Variants in STYX observed in about 807,000 individuals in gnomAD.
The protein encoded by STYX is serine/threonine/tyrosine-interacting protein.
STYX carries 20 observed loss-of-function variants against 42.7 expected under a neutral mutation model. The ratio of observed to expected loss-of-function variants is 0.47; its 90% confidence interval spans 0.33 to 0.68. The LOEUF is 0.68. STYX is among the 30% of genes least tolerant of loss of function. The probability of loss-of-function intolerance (pLI) is 0.02; values close to 1 mark genes in which losing one functional copy is unlikely to be tolerated. For synonymous variants in STYX, 78 were observed against 81.9 expected (o/e 0.95, Z 0.26); for missense variants, 226 against 268.5 (o/e 0.84, Z 1.11).
chr14:52,737,519 A>G (rs918515810), intron 1 of STYX, among the ~76,000 whole-genome samples: 8 of 152,190 alleles, frequency 5.3e-5, no homozygotes, highest in African/African-American at 1.7e-4. Flanking sequence ...CTGCTTGGCT[A>G]CTCATAAAGT....
intron 4 of STYX, among the ~76,000 whole-genome samples, chr14:52,752,571 A>G (rs891515440): frequency 5.9e-5 from 9 of 152,240 alleles, no homozygotes; most frequent in African/African-American, 1.7e-4. Context: ...GTGTGAACAT[A>G]TAATAGAATA....
intron 1 of STYX, among the ~76,000 whole-genome samples, chr14:52,738,041 G>T (rs1410493894): frequency 3.3e-5 from 5 of 152,194 alleles, no homozygotes; most frequent in Admixed American, 3.3e-4. Flanking sequence ...CTCCCAAAGT[G>T]CTGGGATTAC....
In STYX at chr14:52,771,802, C is replaced by T. The variant is rs1396537841; in HGVS notation, c.*696C>T. 6.6e-6 allele frequency: 1 copy of T among 152,360 alleles called. No homozygotes were observed. Among genetic ancestry groups the T allele is most frequent in the Non-Finnish European group, 1.5e-5 (1 of 67,910 alleles). 9.4% of individuals were successfully genotyped at this position (152,360 alleles called of 1,614,324 possible). A position where few individuals can be genotyped will look rare whatever the true frequency, so the allele number is the denominator to read the frequency against. ...TCCTAATTTTTCTATATTTTAAAAACTACAGTTTCCATGATAAAAGGAAAA... is the reference window on the plus strand; with the variant it reads ...TCCTAATTTTTCTATATTTTAAAAATTACAGTTTCCATGATAAAAGGAAAA... On this transcript the variant is annotated 3_prime_UTR_variant, in exon 11 of 11. Coordinates refer to ENST00000354586, the MANE Select transcript of STYX (RefSeq NM_145251.4).
At chr14:52,751,090 G>A (rs745562686) in intron 4 of STYX, among the ~76,000 whole-genome samples, 72 of 152,214 alleles carry the variant, frequency 4.7e-4, no homozygotes, top group Non-Finnish European at 8.8e-4. Flanking sequence ...AAGGAATTGA[G>A]TATCTAGGGG....
At chr14:52,748,302 C>T (rs1881472494) in intron 3 of STYX, among the ~76,000 whole-genome samples, 1 of 152,092 alleles carries the variant, frequency 6.6e-6, no homozygotes, top group African/African-American at 2.4e-5. Context: ...TCTCATAGCT[C>T]ACTGTAACCT....
At chr14:52,750,565 T>G in intron 3 of STYX, 118 bp from the exon 4 acceptor site, 1 of 662,892 alleles carries the variant, frequency 1.5e-6, no homozygotes, top group Non-Finnish European at 2.5e-6. Flanking sequence ...TTCCCTGGAC[T>G]TAAGCAGAGA....
chr14:52,761,566 GT>G (rs539782412), intron 9 of STYX, among the ~76,000 whole-genome samples: 2,930 of 100,774 alleles, frequency 0.029, 23 homozygotes, highest in Non-Finnish European at 0.044. Flanking sequence ...GTAGCCAAAA[GT>G]TTTTTTTTTT....
At chr14:52,734,116 C>T (rs1382944324) in intron 1 of STYX, among the ~76,000 whole-genome samples, 1 of 152,192 alleles carries the variant, frequency 6.6e-6, no homozygotes, top group Non-Finnish European at 1.5e-5. Flanking sequence ...AACGAAGATT[C>T]CACCCGCAGT....
chr14:52,771,483 TTA>T lies in STYX; in HGVS notation c.*380_*381del, dbSNP rs1374847082. The T allele has an allele frequency of 3.8e-5, 6 of 157,484 alleles. No individual in the cohort carries two copies. The highest frequency in any genetic ancestry group is 1.4e-4 in the African/African-American group (6 of 41,714). 9.8% of individuals were successfully genotyped at this position (157,484 alleles called of 1,614,324 possible). A position where few individuals can be genotyped will look rare whatever the true frequency, so the allele number is the denominator to read the frequency against. The stretch of plus-strand genomic sequence containing the variant: ...CAAAATGCAAGTATGGGGGGATTGT[TTA>T]TAAAGTTTGGGTAATTTATAACAAA... On this transcript the variant is annotated 3_prime_UTR_variant, in exon 11 of 11. Transcript: ENST00000354586.
intron 1 of STYX, among the ~76,000 whole-genome samples, chr14:52,742,927 C>T (rs1881251405): frequency 6.6e-6 from 1 of 151,716 alleles, no homozygotes; most frequent in African/African-American, 2.4e-5. Flanking sequence ...TCCCAAGTAG[C>T]TGGGATTACA....
chr14:52,766,531 C>G (rs1313503195), intron 9 of STYX, among the ~76,000 whole-genome samples: 1 of 152,108 alleles, frequency 6.6e-6, no homozygotes, highest in Non-Finnish European at 1.5e-5. Flanking sequence ...TGGTCTCAAA[C>G]TCCTGGGCTC....
intron 4 of STYX, among the ~76,000 whole-genome samples, chr14:52,752,886 T>TG (rs1566675183): frequency 2.1e-5 from 3 of 143,858 alleles, no homozygotes; most frequent in African/African-American, 7.7e-5. Context: ...GTTGTTGTTT[T>TG]TTTTTTTTTT....
At chr14:52,750,995 G>C (rs1354334227) in intron 4 of STYX, among the ~76,000 whole-genome samples, 2 of 151,634 alleles carry the variant, frequency 1.3e-5, no homozygotes, top group Non-Finnish European at 2.9e-5. Context: ...GAAGTTTCTG[G>C]GAAAGTAAAA....
At chr14:52,761,158 A>G (rs1328195652) in intron 9 of STYX, among the ~76,000 whole-genome samples, 1 of 151,928 alleles carries the variant, frequency 6.6e-6, no homozygotes, top group African/African-American at 2.4e-5. Flanking sequence ...GGGAAACCCC[A>G]TCTCTACTAA....
chr14:52,748,450 A>C (rs1566673251), intron 3 of STYX, among the ~76,000 whole-genome samples: 1 of 152,320 alleles, frequency 6.6e-6, no homozygotes, highest in East Asian at 1.9e-4. Context: ...CATTTACTTA[A>C]GTATATCTTT....
rs559869806 is a variant in STYX at position 52,769,209 on chromosome 14, C to T, written c.598+276C>T. Among the ~76,000 whole-genome samples the T allele has an allele frequency of 4.6e-5, 7 of 152,096 alleles. No homozygotes were observed. In the South Asian group the frequency reaches 8.3e-4, roughly 18 times the overall value. On this transcript the variant is annotated intron_variant, in intron 10 of 10. Coordinates refer to ENST00000354586, the MANE Select transcript of STYX (RefSeq NM_145251.4). ...AGGTGATCTTATTAAAAGTAGAGGG[C>T]GGTTAATACAGCGTGTAGCATGGCT...
At chr14:52,744,801 G>A in intron 1 of STYX, 51 bp from the exon 2 acceptor site, 12 of 1,562,716 alleles carry the variant, frequency 7.7e-6, no homozygotes, top group Non-Finnish European at 1.1e-5. Context: ...GCCTTTAATT[G>A]GGTGACTTTT....
intron 9 of STYX, among the ~76,000 whole-genome samples, chr14:52,761,157 C>T (rs1225134359): frequency 6.6e-6 from 1 of 151,792 alleles, no homozygotes; most frequent in African/African-American, 2.4e-5. Context: ...GGGGAAACCC[C>T]ATCTCTACTA....
chr14:52,773,165 T>C lies in STYX; in HGVS notation c.*2059T>C, dbSNP rs1222186932. ...GTAGTCTGGCCAAAAGAACAGATTT[T>C]GTTATTGATAATTTGTAGCTGGTAA... On this transcript the variant is annotated 3_prime_UTR_variant, in exon 11 of 11. Coordinates refer to ENST00000354586, the MANE Select transcript of STYX (RefSeq NM_145251.4). 2 of 152,122 alleles carry C rather than the reference T, an allele frequency of 1.3e-5. No individual in the cohort carries two copies. Among genetic ancestry groups the C allele is most frequent in the Non-Finnish European group, 1.5e-5 (1 of 68,052 alleles). 9.4% of individuals were successfully genotyped at this position (152,122 alleles called of 1,614,324 possible). A position where few individuals can be genotyped will look rare whatever the true frequency, so the allele number is the denominator to read the frequency against.
Sources: allele counts gnomAD v4.1 joint callset (sites outside exome capture counted in the v4.1 genomes callset), GRCh38; gene constraint gnomAD v4.1.1; transcripts MANE v1.5; gene names NCBI Gene and HGNC (gene_info 2026-07-23, HGNC 2026-07-21).